C10orf90: variants seen among roughly 807,000 people sequenced by gnomAD.
C10orf90 encodes the protein (E2-independent) E3 ubiquitin-conjugating enzyme FATS.
A neutral mutation model predicts 62.5 loss-of-function variants in C10orf90; 56 were observed. The ratio of observed to expected loss-of-function variants is 0.90; its 90% CI spans 0.72 to 1.12. The LOEUF (loss-of-function observed/expected upper bound fraction) is 1.12, where lower values mean the gene tolerates loss of function less well. Among genes scored for constraint, C10orf90 ranks in the 50% most tolerant of loss-of-function variants. The pLI is 0.00. For missense variants in C10orf90, 970 were observed against 880.4 expected (o/e 1.10, Z -1.29); for synonymous variants, 386 against 340.4 (o/e 1.13, Z -1.47).
Position 126,464,886 on chromosome 10 carries a change from G to T in C10orf90, c.1635C>A (p.Phe545Leu). ...PPVEQKPTRH[F>L]LPIGDSSPSD... Reference sequence around the variant, plus strand: ...TTGGAGAGCTATCCCCAATGGGAAGGAAATGTCTAGTGGGCTTCTGTTCCA... The same window carrying T: ...TTGGAGAGCTATCCCCAATGGGAAGTAAATGTCTAGTGGGCTTCTGTTCCA... Residue 545 changes from phenylalanine to leucine, a missense_variant, in exon 5 of 10, where the codon TTC becomes TTA. Coordinates refer to ENST00000488181, the MANE Select transcript of C10orf90 (RefSeq NM_001350921.2). 1 of 1,614,168 alleles carries T rather than the reference G, an allele frequency of 6.2e-7. No individual in the cohort carries two copies.
At chr10:126,628,295 T>C (rs979541494) in intron 2 of C10orf90, among the ~76,000 whole-genome samples, 1 of 152,360 alleles carries the variant, frequency 6.6e-6, no homozygotes, top group Admixed American at 6.5e-5. Context: ...GGCCTATGTC[T>C]TATTCATATA....
At chr10:126,490,023 TATATA>T (rs1861655249) in intron 4 of C10orf90, among the ~76,000 whole-genome samples, 3 of 93,500 alleles carry the variant, frequency 3.2e-5, no homozygotes, top group South Asian at 2.5e-4. Flanking sequence ...TTATATATAA[TATATA>T]ATATATAATA....
intron 2 of C10orf90, among the ~76,000 whole-genome samples, chr10:126,617,481 C>T (rs1845564707): frequency 1.3e-5 from 2 of 152,224 alleles, no homozygotes; most frequent in Admixed American, 6.5e-5. Flanking sequence ...TAGGTTGAGC[C>T]ATTATGGCTT....
intron 2 of C10orf90, among the ~76,000 whole-genome samples, chr10:126,565,552 A>G (rs1001927813): frequency 4.2e-4 from 62 of 149,304 alleles, no homozygotes; most frequent in African/African-American, 1.4e-3. Context: ...GCCCTTCATT[A>G]TTAGCATCTG....
chr10:126,449,770 A>G (rs1399815297), intron 7 of C10orf90, among the ~76,000 whole-genome samples: 1 of 152,098 alleles, frequency 6.6e-6, no homozygotes, highest in East Asian at 1.9e-4. Context: ...AGGCCGAGGC[A>G]GGCAGATCAC....
intron 4 of C10orf90, among the ~76,000 whole-genome samples, chr10:126,485,736 CGAGGCCATCCTGTCTAACAT>C (rs932370542): frequency 2.0e-5 from 3 of 151,060 alleles, no homozygotes; most frequent in Non-Finnish European, 2.9e-5. Context: ...GTCAGGAGAT[CGAGGCCATCCTGTCTAACAT>C]GGTGAAACCC....
At chr10:126,445,718 T>C (rs1017794030) in intron 7 of C10orf90, among the ~76,000 whole-genome samples, 1 of 151,776 alleles carries the variant, frequency 6.6e-6, no homozygotes, top group Non-Finnish European at 1.5e-5. Context: ...TGCACATGCA[T>C]GTTTATAGCA....
Position 126,563,248 on chromosome 10 carries a change from C to T in C10orf90, c.314-49309G>A, listed in dbSNP as rs547033531. On this transcript the variant is annotated intron_variant, in intron 2 of 9. Coordinates refer to ENST00000488181, the MANE Select transcript of C10orf90 (RefSeq NM_001350921.2). ...AGCGTGGGGCTAAAGAGGGGCCACTCGTCCACCGCACGCCTGCCACCCCCA... is the reference window on the plus strand; with the variant it reads ...AGCGTGGGGCTAAAGAGGGGCCACTTGTCCACCGCACGCCTGCCACCCCCA... Among the ~76,000 whole-genome samples, 13 of 152,328 alleles carry T rather than the reference C, an allele frequency of 8.5e-5. No individual in the cohort carries two copies. In the East Asian group the frequency reaches 2.5e-3, roughly 29 times the overall value.
At chr10:126,547,190 C>A (rs570296703) in intron 2 of C10orf90, among the ~76,000 whole-genome samples, 1 of 151,982 alleles carries the variant, frequency 6.6e-6, no homozygotes, top group Non-Finnish European at 1.5e-5. Flanking sequence ...GAGGCCGAGG[C>A]GGGCGGATCA....
chr10:126,458,689 T>C (rs1859743536), intron 7 of C10orf90, among the ~76,000 whole-genome samples: 1 of 152,146 alleles, frequency 6.6e-6, no homozygotes, highest in African/African-American at 2.4e-5. Context: ...CCGAGATCTG[T>C]TTTGCAATCT....
chr10:126,469,915 C>T, intron 4 of C10orf90: 1 of 456,752 alleles, frequency 2.2e-6, no homozygotes, highest in Non-Finnish European at 4.4e-6. Flanking sequence ...CGAGAGGCTG[C>T]TGCAGAGGGG....
chr10:126,594,928 G>C (rs1334812790), intron 2 of C10orf90, among the ~76,000 whole-genome samples: 4 of 152,186 alleles, frequency 2.6e-5, no homozygotes, highest in Non-Finnish European at 4.4e-5. Flanking sequence ...TCAGTGAAAT[G>C]GGAAGGCCCT....
chr10:126,639,250 TC>T (rs1461933240), intron 2 of C10orf90, among the ~76,000 whole-genome samples: 4 of 152,142 alleles, frequency 2.6e-5, no homozygotes, highest in Non-Finnish European at 2.9e-5. Flanking sequence ...TGCTGCCAAC[TC>T]AAAGCTATTT....
At chr10:126,502,357 A>G (rs1180694480) in intron 4 of C10orf90, among the ~76,000 whole-genome samples, 1 of 152,242 alleles carries the variant, frequency 6.6e-6, no homozygotes, top group Non-Finnish European at 1.5e-5. Flanking sequence ...AACGCTTCAC[A>G]TGTGAATCTT....
intron 2 of C10orf90, among the ~76,000 whole-genome samples, chr10:126,557,876 G>A (rs1288483389): frequency 6.6e-6 from 1 of 151,806 alleles, no homozygotes; most frequent in East Asian, 1.9e-4. Context: ...GGGCAAGGGA[G>A]AAACATCCTC....
chr10:126,567,138 C>T (rs72839034), intron 2 of C10orf90, among the ~76,000 whole-genome samples: 2,412 of 152,164 alleles, frequency 0.016, 37 homozygotes, highest in Non-Finnish European at 0.024. Flanking sequence ...AGTCTGTTCT[C>T]GCATTGCTAT....
intron 3 of C10orf90, chr10:126,511,986 A>G (rs1178751348): frequency 6.6e-6 from 1 of 151,654 alleles, no homozygotes; most frequent in East Asian, 1.9e-4. Context: ...AAAGTGATCA[A>G]TCTCGTATGG....
intron 2 of C10orf90, among the ~76,000 whole-genome samples, chr10:126,578,605 A>G (rs560884166): frequency 1.3e-5 from 2 of 152,314 alleles, no homozygotes; most frequent in South Asian, 2.1e-4. Context: ...TCCCTCCTGC[A>G]TATATACACA....
intron 2 of C10orf90, among the ~76,000 whole-genome samples, chr10:126,615,211 T>A (rs1214985368): frequency 1.3e-5 from 2 of 152,172 alleles, no homozygotes; most frequent in East Asian, 3.9e-4. Context: ...TTTGTTAAGA[T>A]CCTTTTGCCT....
Sources: gnomAD v4.1 joint callset for allele counts (sites outside exome capture counted in the v4.1 genomes callset) on GRCh38, gnomAD v4.1.1 for gene constraint, MANE v1.5 for transcripts, NCBI Gene and HGNC (gene_info 2026-07-23, HGNC 2026-07-21) for gene names.